Variants in RUNX1 observed in about 807,000 individuals in gnomAD.
RUNX1 encodes RUNX family transcription factor 1, also known as runt-related transcription factor 1.
Under a neutral mutation model 42.8 loss-of-function variants are expected in RUNX1, and 19 were observed. The ratio of observed to expected loss-of-function variants is 0.44; its 90% CI spans 0.31 to 0.65. The LOEUF (loss-of-function observed/expected upper bound fraction) is 0.65, where lower values mean the gene tolerates loss of function less well. Ranked by LOEUF, RUNX1 falls within the 30% of genes least tolerant of loss-of-function variation. The pLI is 0.07. For missense variants in RUNX1, 528 were observed against 672.0 expected (o/e 0.79, Z 2.37); for synonymous variants, 271 against 289.4 (o/e 0.94, Z 0.64).
At chr21:34,964,354 G>T (rs2058702920) in intron 2 of RUNX1, among the ~76,000 whole-genome samples, 1 of 152,052 alleles carries the variant, frequency 6.6e-6, no homozygotes, top group South Asian at 2.1e-4. Context: ...CAGGCATGGT[G>T]GCACACGCCT....
intron 2 of RUNX1, among the ~76,000 whole-genome samples, chr21:34,982,836 G>A (rs940086460): frequency 6.6e-6 from 1 of 152,194 alleles, no homozygotes; most frequent in African/African-American, 2.4e-5. Context: ...CCAAAGTGCT[G>A]GGATTACAGG....
intron 6 of RUNX1, among the ~76,000 whole-genome samples, chr21:34,839,479 G>A (rs769903772): frequency 6.6e-5 from 10 of 152,100 alleles, no homozygotes; most frequent in Non-Finnish European, 1.2e-4. Flanking sequence ...GAACAGGGTG[G>A]AGAAGTGCAC....
intron 2 of RUNX1, among the ~76,000 whole-genome samples, chr21:34,906,321 G>T: frequency 6.6e-6 from 1 of 152,300 alleles, no homozygotes; most frequent in Middle Eastern, 3.4e-3. Context: ...TTGCTAGTCC[G>T]TGAGGACAGA....
At chr21:34,908,381 G>A (rs146879700) in intron 2 of RUNX1, among the ~76,000 whole-genome samples, 9 of 152,256 alleles carry the variant, frequency 5.9e-5, no homozygotes, top group African/African-American at 1.9e-4. Flanking sequence ...TTAATGATCT[G>A]AACTGAAAGT....
intron 3 of RUNX1, chr21:34,888,568 T>C: frequency 9.4e-7 from 1 of 1,061,152 alleles, no homozygotes; most frequent in Non-Finnish European, 1.1e-6. Flanking sequence ...AGAGGTTGAC[T>C]TCCTTCTGGC....
At chr21:34,864,687 C>T (rs1333389208) in intron 5 of RUNX1, among the ~76,000 whole-genome samples, 1 of 152,216 alleles carries the variant, frequency 6.6e-6, no homozygotes, top group Non-Finnish European at 1.5e-5. Flanking sequence ...GGGGTAAACA[C>T]CAAGTCCTTC....
chr21:34,970,033 T>G (rs1052923332), intron 2 of RUNX1, among the ~76,000 whole-genome samples: 5 of 152,242 alleles, frequency 3.3e-5, no homozygotes, highest in Admixed American at 2.6e-4. Flanking sequence ...GTCTTCCTTC[T>G]CCAAGCTATG....
intron 5 of RUNX1, among the ~76,000 whole-genome samples, chr21:34,873,195 G>A (rs1451542222): frequency 6.6e-6 from 1 of 152,200 alleles, no homozygotes; most frequent in Non-Finnish European, 1.5e-5. Flanking sequence ...GAGCAAACTG[G>A]AGTGTTTCCA....
chr21:34,898,866 G>C (rs2058151778), intron 2 of RUNX1, among the ~76,000 whole-genome samples: 1 of 152,182 alleles, frequency 6.6e-6, no homozygotes, highest in Admixed American at 6.5e-5. Context: ...ACTGCCGCTG[G>C]TTCAAGGTCT....
At chr21:34,830,930 C>A (rs972073486) in intron 7 of RUNX1, among the ~76,000 whole-genome samples, 1 of 152,140 alleles carries the variant, frequency 6.6e-6, no homozygotes, top group Non-Finnish European at 1.5e-5. Context: ...ATTACTCCAT[C>A]CTCATATTCC....
intron 3 of RUNX1, among the ~76,000 whole-genome samples, chr21:34,890,450 CTCCCCGCTGTG>C (rs2058068092): frequency 6.6e-6 from 1 of 152,214 alleles, no homozygotes; most frequent in Non-Finnish European, 1.5e-5. Context: ...CGGACCAGGC[CTCCCCGCTGTG>C]CGGCCCGGTC....
At chr21:34,887,236 G>A (rs13051109) in intron 3 of RUNX1, 140 bp from the exon 4 acceptor site, 2 of 1,244,548 alleles carry the variant, frequency 1.6e-6, no homozygotes, top group African/African-American at 1.6e-5. Flanking sequence ...TTATTACTGC[G>A]GGGGGTGGGG....
At chr21:35,035,209 C>T (rs953165304) in intron 2 of RUNX1, among the ~76,000 whole-genome samples, 1 of 152,178 alleles carries the variant, frequency 6.6e-6, no homozygotes, top group Non-Finnish European at 1.5e-5. Flanking sequence ...ATTCAGTGCT[C>T]GCAACAGCTG....
chr21:34,889,679 CG>C, intron 3 of RUNX1: 1 of 1,159,142 alleles, frequency 8.6e-7, no homozygotes, highest in Non-Finnish European at 1.1e-6. Flanking sequence ...GAACCCACCC[CG>C]GCTTCGCGTG....
chr21:34,987,738 G>A (rs2058902751), intron 2 of RUNX1, among the ~76,000 whole-genome samples: 1 of 152,172 alleles, frequency 6.6e-6, no homozygotes, highest in African/African-American at 2.4e-5. Flanking sequence ...AGGAGAAAAG[G>A]CTACAGCCCT....
chr21:34,893,020 C>T, intron 2 of RUNX1, 57 bp from the exon 3 acceptor site: 1 of 1,225,204 alleles, frequency 8.2e-7, no homozygotes, highest in Non-Finnish European at 1.2e-6. Context: ...ATTAACTTTC[C>T]CCCGACTTTT....
At chr21:34,920,414 C>T (rs1030264783) in intron 2 of RUNX1, among the ~76,000 whole-genome samples, 3 of 152,132 alleles carry the variant, frequency 2.0e-5, no homozygotes, top group African/African-American at 7.2e-5. Context: ...CTACTGGGGG[C>T]AGCTTCCAAC....
chr21:34,980,366 A>T (rs1381875223), intron 2 of RUNX1, among the ~76,000 whole-genome samples: 1 of 152,236 alleles, frequency 6.6e-6, no homozygotes, highest in Non-Finnish European at 1.5e-5. Context: ...CCCCACATTT[A>T]TCAGGTCCTA....
chr21:34,894,506 G>A (rs1369449641), intron 2 of RUNX1, among the ~76,000 whole-genome samples: 1 of 152,116 alleles, frequency 6.6e-6, no homozygotes, highest in Admixed American at 6.5e-5. Context: ...AAGGGGTAGG[G>A]GGTGAGCAAC....
Sources: allele counts gnomAD v4.1 joint callset (sites outside exome capture counted in the v4.1 genomes callset), GRCh38; gene constraint gnomAD v4.1.1; transcripts MANE v1.5; gene names NCBI Gene and HGNC (gene_info 2026-07-23, HGNC 2026-07-21).